The following PDSS2 variants were observed in gnomAD, a reference collection of about 807,000 sequenced individuals.
The protein encoded by PDSS2 is all trans-polyprenyl-diphosphate synthase PDSS2.
In PDSS2, 31 loss-of-function variants were observed where a neutral mutation model predicts 44.5. The observed-to-expected ratio is 0.70, with a 90% CI of 0.52 to 0.94. The LOEUF (loss-of-function observed/expected upper bound fraction) is 0.94. Ranked by LOEUF, PDSS2 falls within the 40% of genes least tolerant of loss-of-function variation. PDSS2 has a pLI of 0.00. For missense variants in PDSS2, 452 were observed against 482.2 expected (o/e 0.94, Z 0.59); for synonymous variants, 157 against 180.3 (o/e 0.87, Z 1.03).
chr6:107,300,935 G>T (rs1208954111), intron 2 of PDSS2, among the ~76,000 whole-genome samples: 2 of 152,016 alleles, frequency 1.3e-5, no homozygotes, highest in Non-Finnish European at 2.9e-5. Flanking sequence ...TTCACAGCAG[G>T]GAGTCCTATA....
At chr6:107,370,246 T>A (rs9486599) in intron 1 of PDSS2, among the ~76,000 whole-genome samples, 10,438 of 152,260 alleles carry the variant, frequency 0.069, 425 homozygotes, top group Non-Finnish European at 0.091. Flanking sequence ...TTCAGGAGTT[T>A]TAGCACAAAC....
At position 107,266,792 on chromosome 6, in the gene PDSS2, A is replaced by G. The variant is rs137904122; in HGVS notation, c.630+7237T>C. The stretch of plus-strand genomic sequence containing the variant: ...TAATGGAGCAGATGGTGGAGGTCTT[A>G]GACTCTGGAACATTTATAGTGATGC... On this transcript the variant is annotated intron_variant, in intron 3 of 7. Coordinates refer to ENST00000369037, the MANE Select transcript of PDSS2 (RefSeq NM_020381.4). Among the ~76,000 whole-genome samples, 384 of 152,332 alleles carry G rather than the reference A, an allele frequency of 2.5e-3. 2 individuals carry two copies. Among genetic ancestry groups the G allele is most frequent in the African/African-American group, 8.8e-3 (367 of 41,578 alleles).
At chr6:107,365,375 T>TA (rs891958321) in intron 1 of PDSS2, among the ~76,000 whole-genome samples, 5 of 151,374 alleles carry the variant, frequency 3.3e-5, no homozygotes, top group South Asian at 4.2e-4. Context: ...ATCATACAGC[T>TA]AAAAAAAACA....
At chr6:107,418,020 T>A (rs1562526609) in intron 1 of PDSS2, among the ~76,000 whole-genome samples, 1 of 152,026 alleles carries the variant, frequency 6.6e-6, no homozygotes. Flanking sequence ...AATAAAAATA[T>A]GCATATTAAA....
chr6:107,319,074 G>A (rs1370102362), intron 2 of PDSS2, among the ~76,000 whole-genome samples: 3 of 151,852 alleles, frequency 2.0e-5, no homozygotes, highest in Non-Finnish European at 4.4e-5. Context: ...GATTATTTGT[G>A]CTATGGAAAA....
At chr6:107,329,638 C>T (rs568083085) in intron 2 of PDSS2, among the ~76,000 whole-genome samples, 3 of 152,144 alleles carry the variant, frequency 2.0e-5, no homozygotes, top group Non-Finnish European at 2.9e-5. Context: ...AATAAGGTCA[C>T]ATTGTGAGGT....
chr6:107,220,401 A>G (rs1773562679), intron 4 of PDSS2, among the ~76,000 whole-genome samples: 1 of 152,126 alleles, frequency 6.6e-6, no homozygotes, highest in Non-Finnish European at 1.5e-5. Context: ...TTAAGGTTCT[A>G]TTATGGTTCA....
intron 2 of PDSS2, among the ~76,000 whole-genome samples, chr6:107,310,371 A>AT: frequency 1.3e-5 from 2 of 151,978 alleles, no homozygotes; most frequent in South Asian, 2.1e-4. Context: ...ACCAGGAAAG[A>AT]TTCACTGCCA....
chr6:107,426,864 T>C (rs1220134245), intron 1 of PDSS2, among the ~76,000 whole-genome samples: 2 of 152,114 alleles, frequency 1.3e-5, no homozygotes, highest in Non-Finnish European at 2.9e-5. Flanking sequence ...GTACCCCCAT[T>C]GTATCTGGGA....
chr6:107,269,624 G>A (rs892998270), intron 3 of PDSS2, among the ~76,000 whole-genome samples: 2 of 152,108 alleles, frequency 1.3e-5, no homozygotes, highest in South Asian at 2.1e-4. Context: ...ATTCTCAAGT[G>A]ATGTTGAACG....
At chr6:107,301,199 C>T (rs1776683166) in intron 2 of PDSS2, among the ~76,000 whole-genome samples, 2 of 152,126 alleles carry the variant, frequency 1.3e-5, no homozygotes, top group East Asian at 1.9e-4. Context: ...TATATTACTC[C>T]TTTCCTTGAA....
At chr6:107,285,716 A>G (rs1776118464) in intron 2 of PDSS2, among the ~76,000 whole-genome samples, 1 of 152,196 alleles carries the variant, frequency 6.6e-6, no homozygotes, top group Non-Finnish European at 1.5e-5. Flanking sequence ...CCATAGATAA[A>G]AACATATTTA....
chr6:107,361,607 T>A (rs1210504664), intron 1 of PDSS2, among the ~76,000 whole-genome samples: 1 of 152,104 alleles, frequency 6.6e-6, no homozygotes, highest in East Asian at 1.9e-4. Context: ...AGACTACCAA[T>A]TAAGGCCATC....
At chr6:107,448,957 C>A (rs903432129) in intron 1 of PDSS2, among the ~76,000 whole-genome samples, 1 of 152,178 alleles carries the variant, frequency 6.6e-6, no homozygotes, top group African/African-American at 2.4e-5. Context: ...GAGAAAACTA[C>A]CCCCATGATT....
At chr6:107,453,109 G>A (rs1315555998) in intron 1 of PDSS2, among the ~76,000 whole-genome samples, 3 of 148,784 alleles carry the variant, frequency 2.0e-5, no homozygotes, top group South Asian at 2.1e-4. Flanking sequence ...TTGCTCTGTC[G>A]CCCAAGCTGG....
At chr6:107,298,555 G>T (rs1776586669) in intron 2 of PDSS2, among the ~76,000 whole-genome samples, 1 of 152,128 alleles carries the variant, frequency 6.6e-6, no homozygotes, top group South Asian at 2.1e-4. Context: ...CAAGATCCAT[G>T]AATATTGAGG....
Position 107,386,113 on chromosome 6 carries a change from T to C in PDSS2, c.297-51781A>G, listed in dbSNP as rs137918370. Among the ~76,000 whole-genome samples, 593 of 152,274 alleles carry C rather than the reference T, an allele frequency of 3.9e-3. 3 individuals are homozygous for C. Among genetic ancestry groups the C allele is most frequent in the African/African-American group, 0.01 (420 of 41,564 alleles). ...TTTGAGAAAGGAAGCTACAAATTTT[T>C]GTCCTTAAAAGTCAACTCAAACACA... On this transcript the variant is annotated intron_variant, in intron 1 of 7. Transcript: ENST00000369037.
chr6:107,288,901 C>T (rs866479082), intron 2 of PDSS2, among the ~76,000 whole-genome samples: 1 of 150,082 alleles, frequency 6.7e-6, no homozygotes, highest in Non-Finnish European at 1.5e-5. Context: ...TGGGATTACA[C>T]GTGTCCGCCA....
At chr6:107,451,179 C>T (rs542355578) in intron 1 of PDSS2, among the ~76,000 whole-genome samples, 2 of 152,240 alleles carry the variant, frequency 1.3e-5, no homozygotes, top group African/African-American at 4.8e-5. Context: ...CCAGAGGGGC[C>T]GAACCATTTT....
Sources: gnomAD v4.1 joint callset for allele counts (sites outside exome capture counted in the v4.1 genomes callset) on GRCh38, gnomAD v4.1.1 for gene constraint, MANE v1.5 for transcripts, NCBI Gene and HGNC (gene_info 2026-07-23, HGNC 2026-07-21) for gene names.